LRBA: variants seen among roughly 807,000 people sequenced by gnomAD.
The protein encoded by LRBA is LPS responsive beige-like anchor protein.
A neutral mutation model predicts 330.0 loss-of-function variants in LRBA; 176 were observed. The ratio of observed to expected loss-of-function variants is 0.53; its 90% CI spans 0.47 to 0.60. LRBA has a LOEUF of 0.60. Ranked by LOEUF, LRBA falls within the 20% of genes least tolerant of loss-of-function variation. The pLI is 0.00. For synonymous variants in LRBA, 1,230 were observed against 1,193.0 expected, an observed-to-expected ratio of 1.03 and a Z score of -0.64; for missense variants, 3,259 against 3,444.8, an observed-to-expected ratio of 0.95 and a Z score of 1.35.
chr4:150,434,983 C>G (rs997870560), intron 46 of LRBA, among the ~76,000 whole-genome samples: 12 of 150,064 alleles, frequency 8.0e-5, no homozygotes, highest in Non-Finnish European at 1.6e-4. Flanking sequence ...ATAAAAAAAA[C>G]ACTCTACAAC....
chr4:150,417,559 C>T (rs989094876), intron 46 of LRBA, among the ~76,000 whole-genome samples: 1 of 152,130 alleles, frequency 6.6e-6, no homozygotes, highest in Admixed American at 6.5e-5. Context: ...CTTCCACCCC[C>T]AATTCACACT....
chr4:150,828,097 A>C, intron 30 of LRBA, 83 bp downstream of exon 30: 1 of 1,272,884 alleles, frequency 7.9e-7, no homozygotes, highest in African/African-American at 1.5e-5. Context: ...TTTCGGCTAC[A>C]CAGGGCGTCA....
intron 2 of LRBA, among the ~76,000 whole-genome samples, chr4:150,966,530 G>C (rs1204872711): frequency 3.0e-5 from 4 of 133,458 alleles, no homozygotes; most frequent in Non-Finnish European, 6.2e-5. Context: ...GTTTCACCAT[G>C]TTAGCCAGGA....
rs369382841 is a variant in LRBA at position 150,583,675 on chromosome 4, T to A, written c.6330+4373A>T. 5.6e-5 allele frequency: 90 copies of A among 1,613,880 alleles called. No homozygotes were observed. Among genetic ancestry groups the A allele is most frequent in the Middle Eastern group, 3.3e-4 (2 of 6,062 alleles). ...GTTCAACTTGCTCTCGAAGGAGTGC[T>A]ACTCGCTGACCGGCAAGCAGAGCTC... is the stretch of plus-strand genomic sequence containing the variant. On this transcript the variant is annotated intron_variant, in intron 40 of 56. Transcript: ENST00000651943. The surrounding 1 kb of genome is among the most constrained non-coding windows in gnomAD (Gnocchi z 9.8).
chr4:150,762,439 T>C (rs1199291314), intron 34 of LRBA, among the ~76,000 whole-genome samples: 2 of 151,776 alleles, frequency 1.3e-5, no homozygotes, highest in African/African-American at 4.8e-5. Context: ...CCCATTAAAC[T>C]TTATCCACTA....
At chr4:150,824,044 T>C (rs1261666296) in intron 30 of LRBA, among the ~76,000 whole-genome samples, 1 of 152,200 alleles carries the variant, frequency 6.6e-6, no homozygotes, top group East Asian at 1.9e-4. Flanking sequence ...TTAACACTAT[T>C]AATTCTTCCA....
chr4:150,597,346 C>A (rs1344047559), intron 38 of LRBA, among the ~76,000 whole-genome samples: 1 of 151,688 alleles, frequency 6.6e-6, no homozygotes. Context: ...TCCTGTAACT[C>A]TTCAAAATGG....
At chr4:150,379,378 A>C (rs1333058569) in intron 47 of LRBA, among the ~76,000 whole-genome samples, 1 of 151,852 alleles carries the variant, frequency 6.6e-6, no homozygotes, top group Non-Finnish European at 1.5e-5. Context: ...CCATAATTAG[A>C]AATATCACCA....
chr4:150,286,650 C>G (rs759662046), intron 53 of LRBA, among the ~76,000 whole-genome samples: 3 of 151,732 alleles, frequency 2.0e-5, no homozygotes, highest in African/African-American at 7.3e-5. Context: ...CAAACCCTTA[C>G]AGATAAGTCT....
intron 2 of LRBA, among the ~76,000 whole-genome samples, chr4:151,003,830 T>C (rs1037195677): frequency 6.6e-6 from 1 of 150,802 alleles, no homozygotes; most frequent in Admixed American, 6.6e-5. Context: ...CATAGACGAA[T>C]GGAACAGAAT....
At chr4:150,690,871 T>C (rs897232464) in intron 36 of LRBA, among the ~76,000 whole-genome samples, 2 of 149,014 alleles carry the variant, frequency 1.3e-5, no homozygotes, top group African/African-American at 4.9e-5. Context: ...TAGAAGAAAA[T>C]CACAAGAATT....
At chr4:150,561,095 C>T (rs965459112) in intron 40 of LRBA, among the ~76,000 whole-genome samples, 9 of 152,120 alleles carry the variant, frequency 5.9e-5, no homozygotes, top group Admixed American at 2.0e-4. Context: ...TTTCTGAGAA[C>T]ATTATTGTCA....
In LRBA at chr4:150,519,238, AC is replaced by A. The variant is rs1183306169; in HGVS notation, c.6331-28204del. Among the ~76,000 whole-genome samples, 2 of 152,164 alleles carry A rather than the reference AC, an allele frequency of 1.3e-5. 1 individual carries two copies. The highest frequency in any genetic ancestry group is 2.9e-5 in the Non-Finnish European group (2 of 67,994). Reference sequence around the variant, plus strand: ...AAAATTTTATTAAGGTATAGAAAATACTTGGTAAAATACAAAGATAACAGGT... The same window carrying A: ...AAAATTTTATTAAGGTATAGAAAATATTGGTAAAATACAAAGATAACAGGT... On this transcript the variant is annotated intron_variant, in intron 40 of 56. Coordinates refer to ENST00000651943, the MANE Select transcript of LRBA (RefSeq NM_001364905.1).
At chr4:150,463,932 T>C (rs1468296910) in intron 44 of LRBA, among the ~76,000 whole-genome samples, 1 of 150,182 alleles carries the variant, frequency 6.7e-6, no homozygotes, top group Non-Finnish European at 1.5e-5. Flanking sequence ...TAAAAAAGGG[T>C]GGTGTTAGGA....
intron 36 of LRBA, among the ~76,000 whole-genome samples, chr4:150,697,033 G>T (rs1233181113): frequency 7.6e-6 from 1 of 130,720 alleles, no homozygotes; most frequent in Non-Finnish European, 1.7e-5. Flanking sequence ...AAAGAAAAAA[G>T]AAAAAAAAAA....
intron 40 of LRBA, among the ~76,000 whole-genome samples, chr4:150,514,126 G>A (rs1355860990): frequency 2.0e-5 from 3 of 152,196 alleles, no homozygotes; most frequent in Admixed American, 2.0e-4. Flanking sequence ...AGGCTGGAGT[G>A]CAATGGCATG....
intron 2 of LRBA, among the ~76,000 whole-genome samples, chr4:150,934,271 C>T (rs1054177996): frequency 5.3e-5 from 8 of 152,140 alleles, no homozygotes; most frequent in African/African-American, 1.7e-4. Flanking sequence ...CAAAACCTAT[C>T]AAGATGGGCT....
chr4:150,527,852 C>A (rs528333882), intron 40 of LRBA, among the ~76,000 whole-genome samples: 1 of 152,284 alleles, frequency 6.6e-6, no homozygotes, highest in African/African-American at 2.4e-5. Context: ...CAACTGAGGG[C>A]AGATGCAGTG....
chr4:150,466,534 T>C (rs1755472564), intron 44 of LRBA, among the ~76,000 whole-genome samples: 1 of 152,060 alleles, frequency 6.6e-6, no homozygotes, highest in Non-Finnish European at 1.5e-5. Context: ...TGAAAAAAGT[T>C]AGTACTAACA....
Sources: gnomAD v4.1 joint callset for allele counts (sites outside exome capture counted in the v4.1 genomes callset) on GRCh38, gnomAD v4.1.1 for gene constraint, Gnocchi (gnomAD v3.1) non-coding constraint, MANE v1.5 for transcripts, NCBI Gene and HGNC (gene_info 2026-07-23, HGNC 2026-07-21) for gene names.